The following SYNE2 variants were observed in gnomAD, a reference collection of about 807,000 sequenced individuals.
SYNE2 encodes nesprin-2.
Under a neutral mutation model 856.3 loss-of-function variants are expected in SYNE2, and 431 were observed. That is an observed-to-expected ratio of 0.50 (90% confidence interval 0.47 to 0.55). The LOEUF is 0.55. Ranked by LOEUF, SYNE2 falls within the 20% of genes least tolerant of loss-of-function variation. The pLI is 0.00. For missense variants in SYNE2, 8,129 were observed against 8,023.2 expected (o/e 1.01, Z -0.50); for synonymous variants, 2,923 against 2,872.3 (o/e 1.02, Z -0.56).
intron 8 of SYNE2, 34 bp from the exon 9 acceptor site, chr14:63,961,491 T>G: frequency 6.5e-7 from 1 of 1,536,014 alleles, no homozygotes; most frequent in Non-Finnish European, 9.0e-7. Context: ...AGTAAATGTG[T>G]AACAGCTAAT....
At chr14:63,953,333 G>A (rs559785205) in intron 7 of SYNE2, among the ~76,000 whole-genome samples, 42 of 152,282 alleles carry the variant, frequency 2.8e-4, no homozygotes, top group Admixed American at 1.3e-3. Context: ...GAGAAGGAGC[G>A]TCCAAGGACA....
intron 1 of SYNE2, among the ~76,000 whole-genome samples, chr14:63,834,590 A>G (rs1346958158): frequency 3.3e-5 from 5 of 151,452 alleles, no homozygotes; most frequent in Admixed American, 2.6e-4. Context: ...GGCCTCCCAA[A>G]GTGCTGGGAT....
At chr14:64,192,240 A>G (rs1009881772) in intron 99 of SYNE2, among the ~76,000 whole-genome samples, 4 of 151,986 alleles carry the variant, frequency 2.6e-5, no homozygotes, top group Non-Finnish European at 5.9e-5. Flanking sequence ...AGAATAAGAT[A>G]ATTTCTGTGG....
intron 2 of SYNE2, among the ~76,000 whole-genome samples, chr14:63,918,398 A>G (rs1301251969): frequency 6.6e-6 from 1 of 152,000 alleles, no homozygotes; most frequent in African/African-American, 2.4e-5. Context: ...TTTTGGTAAA[A>G]GGTAACTGCA....
At chr14:63,894,122 A>G (rs923192009) in intron 1 of SYNE2, among the ~76,000 whole-genome samples, 1 of 152,144 alleles carries the variant, frequency 6.6e-6, no homozygotes, top group African/African-American at 2.4e-5. Flanking sequence ...TTTGTATAAG[A>G]TAAGATGGTT....
chr14:63,830,699 A>G (rs1234534955), intron 1 of SYNE2, among the ~76,000 whole-genome samples: 1 of 152,010 alleles, frequency 6.6e-6, no homozygotes, highest in Non-Finnish European at 1.5e-5. Context: ...ATTAAAAGTT[A>G]TTAGGACATT....
rs1023114059 is a variant in SYNE2 at position 64,129,655 on chromosome 14, G to A, written c.14020-127G>A. 3 of 1,342,912 alleles carry A rather than the reference G, an allele frequency of 2.2e-6. No homozygotes were observed. In the Admixed American group the frequency reaches 6.1e-5, roughly 27 times the overall value. The allele number at this position is 1,342,912 out of a possible 1,614,324, so 83.2% of individuals were successfully genotyped here. A position where few individuals can be genotyped will look rare whatever the true frequency, so the allele number is the denominator to read the frequency against. ...TTGTTAAGGAGAGCAGGAGGTGAGG[G>A]AGCGGGAGCTGGGATTTTTGCTTTT... On this transcript the variant is annotated intron_variant, in intron 74 of 115. Transcript: ENST00000555002.
intron 1 of SYNE2, among the ~76,000 whole-genome samples, chr14:63,786,555 T>A (rs1887534095): frequency 6.6e-6 from 1 of 152,250 alleles, no homozygotes; most frequent in Non-Finnish European, 1.5e-5. Flanking sequence ...TGTTATTTCT[T>A]GGGTCTTCAG....
intron 1 of SYNE2, among the ~76,000 whole-genome samples, chr14:63,766,953 C>T (rs1488321280): frequency 1.3e-5 from 2 of 151,770 alleles, no homozygotes; most frequent in Non-Finnish European, 2.9e-5. Context: ...GTTGGTGAGT[C>T]CATGATTAGA....
intron 1 of SYNE2, among the ~76,000 whole-genome samples, chr14:63,884,439 G>A (rs553436062): frequency 6.6e-6 from 1 of 152,250 alleles, no homozygotes; most frequent in South Asian, 2.1e-4. Context: ...TTTGGAACTG[G>A]ATACAAAGAA....
Position 63,990,577 on chromosome 14 carries a change from T to C in SYNE2, c.2472+8T>C, listed in dbSNP as rs757397771. The C allele has an allele frequency of 5.0e-6, 8 of 1,613,240 alleles. No homozygotes were observed. Among genetic ancestry groups the C allele is most frequent in the Middle Eastern group, 1.7e-4 (1 of 6,000 alleles). On this transcript the variant is annotated splice_region_variant and intron_variant, in intron 20 of 115. Transcript: ENST00000555002. ...GCTAAAGAGAAAGTCCAGGTCTCTC[T>C]TTAATATTCCCTATTTAGTAATTCT...
rs540192874 is a variant in SYNE2, at chr14:63,962,037, T to G, written c.888+412T>G. Reference sequence around the variant, plus strand: ...TTTATTATAATATTCTATTTTTTATTTTTATTTTTATTTTTGTTTATTTAT... The same window carrying G: ...TTTATTATAATATTCTATTTTTTATGTTTATTTTTATTTTTGTTTATTTAT... On this transcript the variant is annotated intron_variant, in intron 9 of 115. Transcript: ENST00000555002. 8.0e-4 allele frequency among the ~76,000 whole-genome samples: 121 copies of G among 151,666 alleles called. 2 individuals carry two copies. The highest frequency in any genetic ancestry group is 3.9e-3 in the Admixed American group (60 of 15,270).
chr14:64,117,718 G>A (rs1185153974), intron 66 of SYNE2, among the ~76,000 whole-genome samples: 2 of 152,128 alleles, frequency 1.3e-5, no homozygotes, highest in Non-Finnish European at 2.9e-5. Flanking sequence ...GTTGGGTGTG[G>A]AATTTTCCAC....
chr14:64,186,673 A>G, intron 97 of SYNE2, 94 bp downstream of exon 97: 4 of 1,562,640 alleles, frequency 2.6e-6, no homozygotes, highest in Non-Finnish European at 3.5e-6. Flanking sequence ...ATTTCATTGA[A>G]CCGGAGGCCC....
intron 49 of SYNE2, among the ~76,000 whole-genome samples, chr14:64,058,189 T>G (rs755054549): frequency 1.3e-5 from 2 of 152,212 alleles, no homozygotes; most frequent in Non-Finnish European, 2.9e-5. Context: ...CAAAGAAATC[T>G]TTGCCCAGTC....
intron 96 of SYNE2, among the ~76,000 whole-genome samples, chr14:64,184,332 GT>G (rs2098477706): frequency 1.6e-5 from 2 of 126,694 alleles, no homozygotes; most frequent in East Asian, 2.0e-4. Flanking sequence ...GCATAGGGGT[GT>G]GTGTGTGTGT....
intron 74 of SYNE2, 91 bp from the exon 75 acceptor site, chr14:64,129,691 C>G: frequency 6.4e-7 from 1 of 1,573,032 alleles, no homozygotes; most frequent in South Asian, 1.1e-5. Context: ...CCCTTCATCC[C>G]TTTCTGTACT....
At chr14:63,944,304 AT>A (rs2095980777) in intron 6 of SYNE2, among the ~76,000 whole-genome samples, 5 of 147,772 alleles carry the variant, frequency 3.4e-5, no homozygotes, top group East Asian at 2.0e-4. Context: ...ATATATATAT[AT>A]ATAAATAAAT....
intron 88 of SYNE2, 83 bp from the exon 89 acceptor site, chr14:64,163,319 T>C (rs1230729112): frequency 6.7e-7 from 1 of 1,500,852 alleles, no homozygotes; most frequent in Non-Finnish European, 9.2e-7. Context: ...AATATTCTCC[T>C]AGATTTTGAT....
Sources: allele counts gnomAD v4.1 joint callset (sites outside exome capture counted in the v4.1 genomes callset), GRCh38; gene constraint gnomAD v4.1.1; transcripts MANE v1.5; gene names NCBI Gene and HGNC (gene_info 2026-07-23, HGNC 2026-07-21).